EXPH5: variants seen among roughly 807,000 people sequenced by gnomAD.
EXPH5 encodes exophilin-5.
A neutral mutation model predicts 41.1 loss-of-function variants in EXPH5; 42 were observed. That is an observed-to-expected ratio of 1.02 (90% confidence interval 0.80 to 1.32). EXPH5 has a LOEUF of 1.32. Among genes scored for constraint, EXPH5 ranks in the 40% most tolerant of loss-of-function variants. The pLI is 0.00. For synonymous variants in EXPH5, 798 were observed against 833.5 expected (o/e 0.96, Z 0.73); for missense variants, 2,298 against 2,314.5 (o/e 0.99, Z 0.15).
intron 3 of EXPH5, among the ~76,000 whole-genome samples, chr11:108,531,020 T>C (rs1269296561): frequency 6.6e-6 from 1 of 152,176 alleles, no homozygotes; most frequent in Non-Finnish European, 1.5e-5. Context: ...ATGAAAACTA[T>C]GCTGGTAAAA....
intron 3 of EXPH5, among the ~76,000 whole-genome samples, chr11:108,534,565 C>T (rs947856611): frequency 2.6e-5 from 4 of 152,210 alleles, no homozygotes; most frequent in Non-Finnish European, 4.4e-5. Context: ...CTGAGTGCAG[C>T]GTCTGGATTC....
Position 108,511,672 on chromosome 11 carries a change from T to C in EXPH5, c.3835A>G (p.Ile1279Val). Residue 1279 changes from isoleucine (I) to valine (V), a missense_variant, in exon 6 of 6, where the codon ATA (isoleucine) becomes GTA (valine). Ile to Val is a conservative substitution (Grantham distance 29, BLOSUM62 3). Transcript: ENST00000265843. ...QQYTQNTNLLIESPQVETETF... is the reference protein window; with the variant it reads ...QQYTQNTNLLVESPQVETETF... The stretch of plus-strand genomic sequence containing the variant: ...TCAGTCTCCACTTGAGGTGATTCTA[T>C]AAGTAAATTAGTATTTTGTGTATAC... 2 of 1,603,420 alleles carry C rather than the reference T, an allele frequency of 1.2e-6. No individual in the cohort carries two copies. Among genetic ancestry groups the C allele is most frequent in the East Asian group, 2.2e-5 (1 of 44,856 alleles).
At chr11:108,589,474 A>G (rs974819402) in intron 1 of EXPH5, among the ~76,000 whole-genome samples, 2 of 152,202 alleles carry the variant, frequency 1.3e-5, no homozygotes, top group African/African-American at 2.4e-5. Flanking sequence ...ATTAGTGTAA[A>G]TCAATCAGAA....
chr11:108,538,151 C>T, intron 3 of EXPH5: 11 of 985,534 alleles, frequency 1.1e-5, no homozygotes, highest in Non-Finnish European at 1.3e-5. Flanking sequence ...ACACAACCCA[C>T]CAGCTGCTTG....
intron 1 of EXPH5, among the ~76,000 whole-genome samples, chr11:108,590,864 G>A (rs140675826): frequency 2.1e-4 from 32 of 152,192 alleles, no homozygotes; most frequent in African/African-American, 7.5e-4. Flanking sequence ...TGTTGGTCAG[G>A]CTGGTCTCAA....
At chr11:108,546,280 C>G (rs2093937830) in intron 1 of EXPH5, among the ~76,000 whole-genome samples, 1 of 152,074 alleles carries the variant, frequency 6.6e-6, no homozygotes, top group African/African-American at 2.4e-5. Context: ...GGGATAAGAC[C>G]CGTTGGATTT....
chr11:108,590,799 A>C (rs1318925166), intron 1 of EXPH5, among the ~76,000 whole-genome samples: 1 of 152,180 alleles, frequency 6.6e-6, no homozygotes, highest in Non-Finnish European at 1.5e-5. Context: ...AGTATGTGCC[A>C]CAATATCAGG....
intron 1 of EXPH5, among the ~76,000 whole-genome samples, chr11:108,553,922 G>A (rs951946899): frequency 6.6e-6 from 1 of 152,156 alleles, no homozygotes; most frequent in Admixed American, 6.5e-5. Flanking sequence ...GGCCAGGCAC[G>A]TTACACGTAT....
At position 108,513,151 on chromosome 11, in the gene EXPH5, T is replaced by A. The variant is rs1186589688; in HGVS notation, c.2356A>T (p.Thr786Ser). Reference sequence around the variant, plus strand: ...TGTTTAATGTCATTGGATTTATCTGTGTGCGGTATATACATTTTGGAGGTA... The same window carrying A: ...TGTTTAATGTCATTGGATTTATCTGAGTGCGGTATATACATTTTGGAGGTA... The part of the protein sequence containing the change: ...KDTSKMYIPH[T>S]DKSNDIKQDK... Residue 786 changes from threonine to serine, a missense_variant, in exon 6 of 6, where the codon ACA becomes TCA. By Grantham distance (58) the Thr-to-Ser change is moderately conservative. Coordinates refer to ENST00000265843, the MANE Select transcript of EXPH5 (RefSeq NM_015065.3). 1 of 1,613,700 alleles carries A rather than the reference T, an allele frequency of 6.2e-7. No homozygotes were observed. Among genetic ancestry groups the A allele is most frequent in the Non-Finnish European group, 8.5e-7 (1 of 1,179,962 alleles).
Position 108,510,005 on chromosome 11 carries a change from G to T in EXPH5, c.5502C>A (p.Thr1834=), listed in dbSNP as rs765196980. The T allele has an allele frequency of 1.5e-5, 24 of 1,613,606 alleles. No individual in the cohort carries two copies. Among genetic ancestry groups the T allele is most frequent in the Non-Finnish European group, 2.0e-5 (24 of 1,179,882 alleles). The part of the protein sequence containing the change: ...TSIDNALSRL[T]LGNEFSVNNG... ...TGTTGACAGAGAATTCATTCCCAAG[G>T]GTCAGTCGACTCAGGGCATTGTCAA... The change falls in exon 6 of 6, where the codon ACC becomes ACA. Residue 1834 remains threonine (T), a synonymous_variant. Coordinates refer to ENST00000265843, the MANE Select transcript of EXPH5 (RefSeq NM_015065.3).
At position 108,582,743 on chromosome 11, in the gene EXPH5, G is replaced by A. The variant is rs2094102274; in HGVS notation, c.119+10675C>T. On this transcript the variant is annotated intron_variant, in intron 1 of 5. Transcript: ENST00000265843. Reference sequence around the variant, plus strand: ...GTGCTGGCAGGGCCATGCTCCCTCTGGGGGCACTAAGGAAGGGTCTGTTCC... The same window carrying A: ...GTGCTGGCAGGGCCATGCTCCCTCTAGGGGCACTAAGGAAGGGTCTGTTCC... 2.6e-5 allele frequency among the ~76,000 whole-genome samples: 4 copies of A among 152,180 alleles called. No homozygotes were observed. The South Asian group carries it at 8.3e-4, about 31-fold the overall frequency.
At chr11:108,544,740 A>T (rs2093929696) in intron 1 of EXPH5, among the ~76,000 whole-genome samples, 1 of 152,218 alleles carries the variant, frequency 6.6e-6, no homozygotes. Flanking sequence ...TCCTGGGAAA[A>T]TGCATATGAC....
At position 108,512,856 on chromosome 11, in the gene EXPH5, A is replaced by G; in HGVS notation, c.2651T>C (p.Leu884Pro). The change falls in exon 6 of 6, where the codon CTA becomes CCA. Residue 884 changes from leucine (L) to proline (P), a missense_variant. Transcript: ENST00000265843. ...CDSLDLSSAA[L>P]PDSSPSKNSS... ...ATTCTTTGATGGTGAGGAATCTGGT[A>G]GTGCAGCTGATGACAGATCTAAAGA... The G allele has an allele frequency of 6.2e-7, 1 of 1,614,168 alleles. No homozygotes were observed. The highest frequency in any genetic ancestry group is 8.5e-7 in the Non-Finnish European group (1 of 1,179,962).
intron 4 of EXPH5, among the ~76,000 whole-genome samples, chr11:108,519,944 C>T (rs1282278422): frequency 2.3e-4 from 18 of 77,206 alleles, no homozygotes; most frequent in Non-Finnish European, 4.3e-4. Flanking sequence ...GAGGGAGACT[C>T]TGTCTCAAAA....
Position 108,514,504 on chromosome 11 carries a change from C to T in EXPH5, c.1003G>A (p.Gly335Arg). 1 of 1,612,772 alleles carries T rather than the reference C, an allele frequency of 6.2e-7. No individual in the cohort carries two copies. Among genetic ancestry groups the T allele is most frequent in the South Asian group, 1.1e-5 (1 of 90,734 alleles). Residue 335 changes from glycine (G) to arginine (R), a missense_variant, in exon 6 of 6, where the codon GGG becomes AGG. Transcript: ENST00000265843. ...TGTAAGCTTCTTGCTGTGAAATGCC[C>T]TGTGGCTGGTAAGGCCGACCGTTGC... ...SRQRSALPAT[G>R]HFTARSLHFP... is the part of the protein sequence containing the mutation.
intron 3 of EXPH5, among the ~76,000 whole-genome samples, chr11:108,528,740 T>C (rs1591694827): frequency 6.7e-6 from 1 of 148,800 alleles, no homozygotes; most frequent in East Asian, 2.0e-4. Flanking sequence ...TTGCTCTTTG[T>C]CGCCCAGGCT....
intron 4 of EXPH5, among the ~76,000 whole-genome samples, chr11:108,524,404 T>C (rs2093784897): frequency 6.6e-6 from 1 of 152,204 alleles, no homozygotes; most frequent in Non-Finnish European, 1.5e-5. Flanking sequence ...TATTCTTTTG[T>C]GGTTATAGAG....
chr11:108,512,131 G>C lies in EXPH5; in HGVS notation c.3376C>G (p.Pro1126Ala). 6.2e-7 allele frequency: 1 copy of C among 1,613,806 alleles called. No homozygotes were observed. Among genetic ancestry groups the C allele is most frequent in the Non-Finnish European group, 8.5e-7 (1 of 1,179,902 alleles). Residue 1126 changes from proline (P) to alanine (A), a missense_variant, in exon 6 of 6, where the codon CCC becomes GCC. Pro to Ala is a conservative substitution (Grantham distance 27). Transcript: ENST00000265843. The part of the protein sequence containing the change: ...PFLINRAMSC[P>A]SGEPHASTGR... ...GTTGAGGCATGTGGCTCCCCTGAGG[G>C]ACATGACATAGCCCTGTTGATGAGG...
At chr11:108,543,369 T>C (rs927002981) in intron 1 of EXPH5, among the ~76,000 whole-genome samples, 12 of 152,162 alleles carry the variant, frequency 7.9e-5, no homozygotes, top group Admixed American at 3.9e-4. Context: ...AAATGAGAGG[T>C]GCCTAATCCA....
Sources: gnomAD v4.1 joint callset for allele counts (sites outside exome capture counted in the v4.1 genomes callset) on GRCh38, gnomAD v4.1.1 for gene constraint, MANE v1.5 for transcripts, NCBI Gene and HGNC (gene_info 2026-07-23, HGNC 2026-07-21) for gene names.